The following EXOC6B variants were observed in gnomAD, a reference collection of about 807,000 sequenced individuals.
EXOC6B encodes the protein SEC15 homolog B.
In EXOC6B, 54 loss-of-function variants were observed where a neutral mutation model predicts 113.5. The ratio of observed to expected loss-of-function variants is 0.48; its 90% CI spans 0.38 to 0.60. EXOC6B has a LOEUF of 0.60. Ranked by LOEUF, EXOC6B falls within the 20% of genes least tolerant of loss-of-function variation. EXOC6B has a pLI of 0.00. For missense variants in EXOC6B, 797 were observed against 977.5 expected (o/e 0.82, Z 2.46); for synonymous variants, 357 against 339.0 (o/e 1.05, Z -0.58).
At chr2:72,649,366 C>G (rs892436693) in intron 6 of EXOC6B, among the ~76,000 whole-genome samples, 7 of 152,058 alleles carry the variant, frequency 4.6e-5, no homozygotes, top group Non-Finnish European at 8.8e-5. Flanking sequence ...GATTAGATTG[C>G]TTGTAACACA....
chr2:72,240,475 A>G (rs1682244617), intron 20 of EXOC6B, among the ~76,000 whole-genome samples: 1 of 152,236 alleles, frequency 6.6e-6, no homozygotes, highest in Admixed American at 6.5e-5. Flanking sequence ...GCTTTAACTG[A>G]CTGTTGAGGA....
At chr2:72,510,909 T>A (rs1034403206) in intron 11 of EXOC6B, among the ~76,000 whole-genome samples, 6 of 151,954 alleles carry the variant, frequency 3.9e-5, no homozygotes, top group Non-Finnish European at 8.8e-5. Context: ...TGTAAACATA[T>A]AAATGTGTAA....
At chr2:72,409,521 G>A (rs1029874437) in intron 18 of EXOC6B, among the ~76,000 whole-genome samples, 4 of 152,148 alleles carry the variant, frequency 2.6e-5, no homozygotes, top group African/African-American at 9.7e-5. Flanking sequence ...TATACACCAT[G>A]GAATACTATG....
At chr2:72,193,531 C>T (rs1309691098) in intron 20 of EXOC6B, among the ~76,000 whole-genome samples, 2 of 152,196 alleles carry the variant, frequency 1.3e-5, no homozygotes, top group Non-Finnish European at 1.5e-5. Flanking sequence ...CTTCTAGGTA[C>T]TGCATATGAA....
chr2:72,562,186 A>AAGAACTACAGAAAGGCAACTGTAATG (rs1490242518), intron 7 of EXOC6B, among the ~76,000 whole-genome samples: 1 of 152,126 alleles, frequency 6.6e-6, no homozygotes, highest in Non-Finnish European at 1.5e-5. Context: ...ACTAATGAAA[A>AAGAACTACAGAAAGGCAACTGTAATG]AAAATCACAA....
chr2:72,623,140 T>C (rs764792474), intron 6 of EXOC6B, among the ~76,000 whole-genome samples: 98 of 152,184 alleles, frequency 6.4e-4, no homozygotes, highest in Non-Finnish European at 1.3e-3. Context: ...ATGGATATAA[T>C]ACTTTTCTGA....
intron 6 of EXOC6B, among the ~76,000 whole-genome samples, chr2:72,639,195 C>T (rs1014730297): frequency 6.6e-6 from 1 of 152,168 alleles, no homozygotes; most frequent in African/African-American, 2.4e-5. Flanking sequence ...GTTCCCCCTG[C>T]CAACCAGGTT....
At chr2:72,494,921 C>T (rs1428079460) in intron 15 of EXOC6B, among the ~76,000 whole-genome samples, 1 of 152,138 alleles carries the variant, frequency 6.6e-6, no homozygotes, top group Non-Finnish European at 1.5e-5. Context: ...AGAAAATATA[C>T]ATATACAAGT....
chr2:72,393,197 A>T (rs938126188), intron 18 of EXOC6B, among the ~76,000 whole-genome samples: 2 of 151,588 alleles, frequency 1.3e-5, no homozygotes, highest in Non-Finnish European at 2.9e-5. Flanking sequence ...CAGTTCAAGC[A>T]ATTCTCCTGC....
At position 72,497,086 on chromosome 2, in the gene EXOC6B, G is replaced by A. The variant is rs925803656; in HGVS notation, c.1338-527C>T. On this transcript the variant is annotated intron_variant, in intron 13 of 21. Transcript: ENST00000272427. ...ACTCTGGGGCTCAAGCAATCCTCCC[G>A]CCACAGCCTCCCAAGTAGCTGAAAC... Among the ~76,000 whole-genome samples the A allele has an allele frequency of 3.3e-5, 5 of 151,238 alleles. 1 individual carries two copies. In the East Asian group the frequency reaches 7.8e-4, roughly 23 times the overall value.
rs191218463 is a variant in EXOC6B at position 72,456,870 on chromosome 2, G to A, written c.1980+8290C>T. 3.8e-3 allele frequency among the ~76,000 whole-genome samples: 576 copies of A among 152,176 alleles called. 3 individuals are homozygous for A. Among genetic ancestry groups the A allele is most frequent in the Middle Eastern group, 0.01 (3 of 294 alleles). On this transcript the variant is annotated intron_variant, in intron 18 of 21. Coordinates refer to ENST00000272427, the MANE Select transcript of EXOC6B (RefSeq NM_015189.3). ...GTGCCATTTTAAAAAGTGCCACAAAGGAAGATGTCACATCTGGTTAGGAGA... is the reference window on the plus strand; with the variant it reads ...GTGCCATTTTAAAAAGTGCCACAAAAGAAGATGTCACATCTGGTTAGGAGA...
At chr2:72,224,994 G>GTGTGTATATATATATATATATATATA (rs908047817) in intron 20 of EXOC6B, among the ~76,000 whole-genome samples, 45 of 137,308 alleles carry the variant, frequency 3.3e-4, no homozygotes, top group African/African-American at 9.2e-4. Flanking sequence ...GTGTGTGTGT[G>GTGTGTATATATATATATATATATATA]TATATATATA....
At chr2:72,537,375 G>A (rs1270809621) in intron 8 of EXOC6B, among the ~76,000 whole-genome samples, 2 of 151,620 alleles carry the variant, frequency 1.3e-5, no homozygotes, top group Non-Finnish European at 2.9e-5. Flanking sequence ...GCTGAGGCAG[G>A]TGGATCGTAT....
intron 19 of EXOC6B, among the ~76,000 whole-genome samples, chr2:72,343,905 C>A (rs1283966503): frequency 1.3e-5 from 2 of 152,104 alleles, no homozygotes; most frequent in Non-Finnish European, 2.9e-5. Context: ...GAAATGCTTA[C>A]AAAGAGTCTT....
chr2:72,584,419 G>A (rs1705421821), intron 6 of EXOC6B, among the ~76,000 whole-genome samples: 1 of 151,944 alleles, frequency 6.6e-6, no homozygotes, highest in Non-Finnish European at 1.5e-5. Flanking sequence ...GACAAAGTAG[G>A]GCATTATATA....
At chr2:72,563,632 G>T (rs1230497266) in intron 7 of EXOC6B, among the ~76,000 whole-genome samples, 1 of 152,042 alleles carries the variant, frequency 6.6e-6, no homozygotes, top group Non-Finnish European at 1.5e-5. Context: ...ATTTACTACA[G>T]AAGATATACA....
chr2:72,492,448 G>C lies in EXOC6B; in HGVS notation c.1554-19C>G, dbSNP rs375421190. On this transcript the variant is annotated intron_variant, in intron 15 of 21. Transcript: ENST00000272427. ...AGTTGAGCTGAAAAAGAAGCATTAA[G>C]AGTCAGTCATAGCAGGTAGCAGAAT... 2 of 1,538,586 alleles carry C rather than the reference G, an allele frequency of 1.3e-6. No homozygotes were observed. Among genetic ancestry groups the C allele is most frequent in the African/African-American group, 2.7e-5 (2 of 73,274 alleles).
chr2:72,533,650 A>C (rs749542630), intron 8 of EXOC6B, among the ~76,000 whole-genome samples: 1 of 152,192 alleles, frequency 6.6e-6, no homozygotes, highest in Non-Finnish European at 1.5e-5. Context: ...TGCCAATATT[A>C]GAAGGTAGGG....
At chr2:72,722,169 A>C (rs1680052347) in intron 5 of EXOC6B, among the ~76,000 whole-genome samples, 1 of 152,066 alleles carries the variant, frequency 6.6e-6, no homozygotes, top group African/African-American at 2.4e-5. Context: ...TAAATACAAA[A>C]ATGTTAGGCA....
Sources: allele counts gnomAD v4.1 joint callset (sites outside exome capture counted in the v4.1 genomes callset), GRCh38; gene constraint gnomAD v4.1.1; transcripts MANE v1.5; gene names NCBI Gene and HGNC (gene_info 2026-07-23, HGNC 2026-07-21).